STX8: variants seen among roughly 807,000 people sequenced by gnomAD.
STX8 encodes syntaxin-8.
Under a neutral mutation model 37.5 loss-of-function variants are expected in STX8, and 23 were observed. The observed-to-expected ratio is 0.61, with a 90% CI of 0.44 to 0.87. STX8 has a LOEUF of 0.87. Among genes scored for constraint, STX8 ranks in the 40% least tolerant of loss-of-function variants. The probability of loss-of-function intolerance (pLI) is 0.00; values close to 1 mark genes in which losing one functional copy is unlikely to be tolerated. For missense variants in STX8, 313 were observed against 284.7 expected, an observed-to-expected ratio of 1.10 and a Z score of -0.71; for synonymous variants, 115 against 99.1, an observed-to-expected ratio of 1.16 and a Z score of -0.95.
chr17:9,489,690 CCT>C (rs1491505118), intron 6 of STX8, among the ~76,000 whole-genome samples: 4 of 38,606 alleles, frequency 1.0e-4, no homozygotes, highest in Non-Finnish European at 2.5e-4. Context: ...AGCTTACTTT[CCT>C]TTTTTTTTTT....
At chr17:9,381,455 G>C (rs1054830325) in intron 6 of STX8, among the ~76,000 whole-genome samples, 2 of 152,142 alleles carry the variant, frequency 1.3e-5, no homozygotes, top group African/African-American at 4.8e-5. Flanking sequence ...CATGCAAAAA[G>C]AATAGTATCT....
chr17:9,304,230 C>G (rs1908879280), intron 7 of STX8, among the ~76,000 whole-genome samples: 1 of 151,954 alleles, frequency 6.6e-6, no homozygotes, highest in Non-Finnish European at 1.5e-5. Flanking sequence ...AAAAGAGTAG[C>G]CGGGTGCTGT....
At chr17:9,262,605 C>A (rs1907082731) in intron 7 of STX8, among the ~76,000 whole-genome samples, 1 of 151,248 alleles carries the variant, frequency 6.6e-6, no homozygotes, top group Admixed American at 6.6e-5. Context: ...TTTTTTGAGA[C>A]AGAGTCTTGC....
At chr17:9,394,291 G>C (rs907266349) in intron 6 of STX8, among the ~76,000 whole-genome samples, 1 of 152,074 alleles carries the variant, frequency 6.6e-6, no homozygotes, top group Non-Finnish European at 1.5e-5. Flanking sequence ...TTGCAGGAAT[G>C]TATACATGTC....
intron 6 of STX8, among the ~76,000 whole-genome samples, chr17:9,397,413 A>T (rs1912442205): frequency 6.6e-6 from 1 of 152,104 alleles, no homozygotes; most frequent in South Asian, 2.1e-4. Flanking sequence ...TAACAACAAC[A>T]ACAAAACCAA....
chr17:9,270,238 G>C (rs548481960), intron 7 of STX8, among the ~76,000 whole-genome samples: 2 of 152,146 alleles, frequency 1.3e-5, no homozygotes, highest in East Asian at 3.9e-4. Flanking sequence ...GAATTTCAAA[G>C]GACTTTCTTT....
chr17:9,272,099 C>T lies in STX8; in HGVS notation c.644-21454G>A, dbSNP rs371388349. ...CCTAATCCACACCCACGCCAATATCCCTCAGCCTCATTTCCTCTTGACAAA... is the reference window on the plus strand; with the variant it reads ...CCTAATCCACACCCACGCCAATATCTCTCAGCCTCATTTCCTCTTGACAAA... On this transcript the variant is annotated intron_variant, in intron 7 of 7. Coordinates refer to ENST00000306357, the MANE Select transcript of STX8 (RefSeq NM_004853.3). Among the ~76,000 whole-genome samples, 42 of 152,296 alleles carry T rather than the reference C, an allele frequency of 2.8e-4. No individual in the cohort carries two copies. In the East Asian group the frequency reaches 7.2e-3, roughly 26 times the overall value.
intron 7 of STX8, among the ~76,000 whole-genome samples, chr17:9,363,676 T>C (rs1313915185): frequency 6.6e-6 from 1 of 152,170 alleles, no homozygotes; most frequent in Non-Finnish European, 1.5e-5. Context: ...GGTGTAATTA[T>C]TACTCAATAA....
chr17:9,491,715 C>T, intron 6 of STX8, 114 bp downstream of exon 6: 3 of 852,312 alleles, frequency 3.5e-6, no homozygotes, highest in Non-Finnish European at 3.7e-6. Context: ...CTGTAACAAT[C>T]ATTGACATTA....
chr17:9,462,171 G>A (rs11870073), intron 6 of STX8, among the ~76,000 whole-genome samples: 40,437 of 152,002 alleles, frequency 0.27, 5,541 homozygotes, highest in South Asian at 0.34. Flanking sequence ...GAACAAACAT[G>A]ACAGTGGCTG....
intron 6 of STX8, among the ~76,000 whole-genome samples, chr17:9,410,800 C>T (rs939039970): frequency 2.0e-5 from 3 of 152,004 alleles, no homozygotes; most frequent in African/African-American, 7.3e-5. Flanking sequence ...CATTTTTTTC[C>T]TAAAATGTTT....
At chr17:9,415,114 C>T (rs1913139212) in intron 6 of STX8, among the ~76,000 whole-genome samples, 2 of 152,040 alleles carry the variant, frequency 1.3e-5, no homozygotes, top group South Asian at 4.1e-4. Flanking sequence ...CATTCCACCC[C>T]ATCCCACAGC....
intron 4 of STX8, among the ~76,000 whole-genome samples, chr17:9,529,563 C>T (rs1328395003): frequency 6.6e-6 from 1 of 152,140 alleles, no homozygotes; most frequent in Non-Finnish European, 1.5e-5. Flanking sequence ...CTGTCATATA[C>T]CCTTCTAGTC....
At chr17:9,373,347 A>G (rs1911474759) in intron 7 of STX8, among the ~76,000 whole-genome samples, 1 of 152,170 alleles carries the variant, frequency 6.6e-6, no homozygotes, top group Admixed American at 6.5e-5. Flanking sequence ...CACAATAGCC[A>G]AAAGGTGGAA....
rs551946709 is a variant in STX8 at position 9,415,760 on chromosome 17, C to T, written c.542-37107G>A. Reference sequence around the variant, plus strand: ...CTCCAGCCTGACTGACAGGGCAAGACTCCGTCTCAACAACAACAACAAAAA... The same window carrying T: ...CTCCAGCCTGACTGACAGGGCAAGATTCCGTCTCAACAACAACAACAAAAA... On this transcript the variant is annotated intron_variant, in intron 6 of 7. Coordinates refer to ENST00000306357, the MANE Select transcript of STX8 (RefSeq NM_004853.3). 1.5e-4 allele frequency among the ~76,000 whole-genome samples: 23 copies of T among 152,244 alleles called. No homozygotes were observed. In the East Asian group the frequency reaches 4.4e-3, roughly 29 times the overall value.
chr17:9,474,004 G>T (rs1034152793), intron 6 of STX8, among the ~76,000 whole-genome samples: 3 of 152,194 alleles, frequency 2.0e-5, no homozygotes, highest in African/African-American at 4.8e-5. Context: ...AGGGAGGCTG[G>T]AGATCAAGGT....
At chr17:9,460,193 TA>T (rs1200017813) in intron 6 of STX8, among the ~76,000 whole-genome samples, 11 of 151,934 alleles carry the variant, frequency 7.2e-5, no homozygotes, top group Admixed American at 1.3e-4. Context: ...ATGAAAGGGT[TA>T]AAAAAAACTT....
At chr17:9,375,549 A>G (rs1911551760) in intron 7 of STX8, among the ~76,000 whole-genome samples, 1 of 152,302 alleles carries the variant, frequency 6.6e-6, no homozygotes, top group South Asian at 2.1e-4. Context: ...CAAAAACAAC[A>G]TATATAACAT....
intron 6 of STX8, among the ~76,000 whole-genome samples, chr17:9,393,114 A>G (rs533111090): frequency 1.1e-4 from 17 of 152,278 alleles, no homozygotes; most frequent in African/African-American, 4.1e-4. Flanking sequence ...ACCAAAGAAA[A>G]ACAACACATT....
Sources: gnomAD v4.1 joint callset for allele counts (sites outside exome capture counted in the v4.1 genomes callset) on GRCh38, gnomAD v4.1.1 for gene constraint, MANE v1.5 for transcripts, NCBI Gene and HGNC (gene_info 2026-07-23, HGNC 2026-07-21) for gene names.